RBFOX1: variants seen among roughly 807,000 people sequenced by gnomAD.
RBFOX1 encodes RNA binding fox-1 homolog 1, also known as RNA binding protein fox-1 homolog 1.
A neutral mutation model predicts 57.7 loss-of-function variants in RBFOX1; 8 were observed. That is an observed-to-expected ratio of 0.14 (90% confidence interval 0.08 to 0.25). RBFOX1 has a LOEUF of 0.25. Ranked by LOEUF, RBFOX1 falls within the 10% of genes least tolerant of loss-of-function variation. RBFOX1 has a pLI of 1.00. For synonymous variants in RBFOX1, 326 were observed against 222.4 expected, an observed-to-expected ratio of 1.47 and a Z score of -4.15; for missense variants, 611 against 548.5, an observed-to-expected ratio of 1.11 and a Z score of -1.14.
intron 2 of RBFOX1, among the ~76,000 whole-genome samples, chr16:6,360,018 C>A (rs2152865693): frequency 6.6e-6 from 1 of 152,174 alleles, no homozygotes; most frequent in Admixed American, 6.5e-5. Flanking sequence ...ACGTGAGGAA[C>A]AATTTTGCTT....
intron 2 of RBFOX1, among the ~76,000 whole-genome samples, chr16:6,583,344 G>A (rs961820556): frequency 4.6e-5 from 7 of 152,260 alleles, no homozygotes; most frequent in South Asian, 2.1e-4. Flanking sequence ...GGTGGGTTGC[G>A]TGCAGAGCAA....
chr16:7,705,104 AGGGAAGGGACATTT>A (rs2082014623), intron 14 of RBFOX1, among the ~76,000 whole-genome samples: 1 of 151,208 alleles, frequency 6.6e-6, no homozygotes. Flanking sequence ...TCATCTCTCT[AGGGAAGGGACATTT>A]GATTTGAAAC....
At chr16:5,834,840 T>A (rs1260896355) in intron 3 of RBFOX1, among the ~76,000 whole-genome samples, 1 of 151,240 alleles carries the variant, frequency 6.6e-6, no homozygotes, top group Non-Finnish European at 1.5e-5. Context: ...ACAGACAGAT[T>A]TCTTTTCCAT....
chr16:7,410,420 G>A (rs910231792), intron 4 of RBFOX1, among the ~76,000 whole-genome samples: 12 of 152,322 alleles, frequency 7.9e-5, no homozygotes, highest in Middle Eastern at 3.4e-3. Flanking sequence ...GATGGCTCAC[G>A]CCTGTAATCC....
At chr16:5,289,295 C>A in intron 1 of RBFOX1, 1 of 421,440 alleles carries the variant, frequency 2.4e-6, no homozygotes, top group Non-Finnish European at 4.5e-6. Flanking sequence ...GGCATGTGGC[C>A]TCCCATGGTC....
At chr16:7,361,580 C>T (rs975404124) in intron 4 of RBFOX1, among the ~76,000 whole-genome samples, 2 of 152,136 alleles carry the variant, frequency 1.3e-5, no homozygotes, top group African/African-American at 4.8e-5. Context: ...TGTAGCTGTT[C>T]CCGGCCTTGT....
intron 6 of RBFOX1, among the ~76,000 whole-genome samples, chr16:7,580,324 C>G (rs1002318475): frequency 6.6e-6 from 1 of 152,128 alleles, no homozygotes; most frequent in Non-Finnish European, 1.5e-5. Flanking sequence ...CAGAGGGTGA[C>G]TCTTAGTGTA....
At chr16:7,144,831 A>T (rs1455687495) in intron 4 of RBFOX1, among the ~76,000 whole-genome samples, 1 of 152,144 alleles carries the variant, frequency 6.6e-6, no homozygotes, top group East Asian at 1.9e-4. Context: ...TTATGGCCCG[A>T]GAAGGTGATT....
In RBFOX1 at chr16:5,599,478, A is replaced by G. The variant is rs2047295289; in HGVS notation, c.*229A>G. The G allele has an allele frequency of 2.2e-5, 11 of 506,764 alleles. No homozygotes were observed. The South Asian group carries it at 3.0e-4, about 14-fold the overall frequency. The allele number at this position is 506,764 out of a possible 1,614,324, so 31.4% of individuals were successfully genotyped here. A position where few individuals can be genotyped will look rare whatever the true frequency, so the allele number is the denominator to read the frequency against. ...CCCTCATCTGTCACCCACGAATAAC[A>G]GTGGCCAGGAAGTTCCCTGCACAGA... On this transcript the variant is annotated 3_prime_UTR_variant, in exon 3 of 3. Transcript: ENST00000585867.
chr16:5,883,064 C>G (rs2057802889), intron 4 of RBFOX1, among the ~76,000 whole-genome samples: 1 of 152,136 alleles, frequency 6.6e-6, no homozygotes, highest in Admixed American at 6.5e-5. Flanking sequence ...TACAAGCAGC[C>G]AGTTTATTGG....
In RBFOX1 at chr16:7,389,218, C is replaced by G. The variant is rs143586504; in HGVS notation, c.28-128929C>G. On this transcript the variant is annotated intron_variant, in intron 4 of 15. Transcript: ENST00000550418. ...ACAGCTCATGGCAGCTTTGATCTCT[C>G]CAGGCTTAGATGATCCTGTACCTCA... Among the ~76,000 whole-genome samples, 790 of 152,182 alleles carry G rather than the reference C, an allele frequency of 5.2e-3. 8 individuals carry two copies. The highest frequency in any genetic ancestry group is 0.018 in the African/African-American group (737 of 41,520).
In RBFOX1 at chr16:7,267,440, G is replaced by T. The variant is rs190506312; in HGVS notation, c.27+215342G>T. 4.0e-3 allele frequency among the ~76,000 whole-genome samples: 613 copies of T among 152,130 alleles called. 7 individuals are homozygous for T. Among genetic ancestry groups the T allele is most frequent in the African/African-American group, 0.014 (584 of 41,506 alleles). Reference sequence around the variant, plus strand: ...AATCCCAGTTACTTGAGAGGCTGAGGCAAGAGAATCACTTGAACCTAGTAG... The same window carrying T: ...AATCCCAGTTACTTGAGAGGCTGAGTCAAGAGAATCACTTGAACCTAGTAG... On this transcript the variant is annotated intron_variant, in intron 4 of 15. Coordinates refer to ENST00000550418, the MANE Select transcript of RBFOX1 (RefSeq NM_018723.4).
intron 4 of RBFOX1, among the ~76,000 whole-genome samples, chr16:7,156,359 G>A (rs1187336355): frequency 4.0e-5 from 6 of 151,622 alleles, no homozygotes; most frequent in Non-Finnish European, 1.5e-5. Flanking sequence ...ACATATACAT[G>A]CACATATACA....
chr16:7,547,991 C>A (rs2085100927), intron 5 of RBFOX1, among the ~76,000 whole-genome samples: 1 of 152,102 alleles, frequency 6.6e-6, no homozygotes, highest in Non-Finnish European at 1.5e-5. Flanking sequence ...CAGCATTTGC[C>A]CGTGTGTAGT....
chr16:5,885,894 G>A (rs780438243), intron 4 of RBFOX1, among the ~76,000 whole-genome samples: 10 of 152,122 alleles, frequency 6.6e-5, no homozygotes, highest in African/African-American at 1.2e-4. Flanking sequence ...CCCAAATCTC[G>A]TGTTGAATTG....
chr16:6,613,902 C>T (rs2098106885), intron 2 of RBFOX1, among the ~76,000 whole-genome samples: 1 of 152,116 alleles, frequency 6.6e-6, no homozygotes, highest in South Asian at 2.1e-4. Flanking sequence ...TGTGCCACTG[C>T]ACTCCAGCCT....
chr16:7,023,766 C>A (rs1357203049), intron 3 of RBFOX1, among the ~76,000 whole-genome samples: 1 of 151,996 alleles, frequency 6.6e-6, no homozygotes, highest in Non-Finnish European at 1.5e-5. Flanking sequence ...TTCTTTTCCA[C>A]TTAGCTCAAA....
At position 5,878,616 on chromosome 16, in the gene RBFOX1, C is replaced by G. The variant is rs138956081; in HGVS notation, c.351+11281C>G. Among the ~76,000 whole-genome samples, 93 of 152,276 alleles carry G rather than the reference C, an allele frequency of 6.1e-4. No individual in the cohort carries two copies. The East Asian group carries it at 0.015, about 24-fold the overall frequency. ...GATACACTTTGGAGAAACTTCGTGA[C>G]TATGCCTGATTCCCGGCACTAATGT... On this transcript the variant is annotated intron_variant, in intron 4 of 19. Coordinates refer to the RBFOX1 transcript ENST00000641259.
At chr16:7,676,700 T>G (rs1597851739) in intron 13 of RBFOX1, 74 bp from the exon 14 acceptor site, 3 of 1,274,264 alleles carry the variant, frequency 2.4e-6, no homozygotes, top group Non-Finnish European at 2.3e-6. Context: ...GCTGCTCTGG[T>G]GTGGTCTTGC....
Sources: gnomAD v4.1 joint callset for allele counts (sites outside exome capture counted in the v4.1 genomes callset) on GRCh38, gnomAD v4.1.1 for gene constraint, MANE v1.5 for transcripts, NCBI Gene and HGNC (gene_info 2026-07-23, HGNC 2026-07-21) for gene names.